Variants in GNE observed in about 807,000 individuals in gnomAD.
GNE encodes the protein bifunctional UDP-N-acetylglucosamine 2-epimerase/N-acetylmannosamine kinase.
A neutral mutation model predicts 61.8 loss-of-function variants in GNE; 41 were observed. The ratio of observed to expected loss-of-function variants is 0.66; its 90% confidence interval spans 0.52 to 0.86. GNE has a LOEUF of 0.86. Ranked by LOEUF, GNE falls within the 40% of genes least tolerant of loss-of-function variation. The pLI is 0.00. For synonymous variants in GNE, 264 were observed against 326.4 expected (o/e 0.81, Z 2.06); for missense variants, 608 against 909.1 (o/e 0.67, Z 4.26).
upstream of GNE, chr9:36,258,580 A>G (rs1276896909): frequency 3.3e-6 from 3 of 912,696 alleles, no homozygotes; most frequent in East Asian, 3.6e-4. Flanking sequence ...CCCGTCCCCC[A>G]CCTTCCCGGC....
Position 36,217,529 on chromosome 9 carries a change from C to T in GNE, c.2005G>A (p.Gly669Arg), listed in dbSNP as rs776384541. 22 of 1,614,074 alleles carry T rather than the reference C, an allele frequency of 1.4e-5. No homozygotes were observed. Among genetic ancestry groups the T allele is most frequent in the Admixed American group, 5.0e-5 (3 of 60,020 alleles). The change falls in exon 12 of 12, where the codon GGA (glycine) becomes AGA (arginine). Residue 669 changes from glycine to arginine, a missense_variant. Transcript: ENST00000642385. ...TGGATATAGTGACTGGCCAGGACTC[C>T]GGAGAGGATCACAAGGGAGGGATTC... ...TMNPSLVILS[G>R]VLASHYIHIV...
chr9:36,217,422 G>GGATTT lies in GNE; in HGVS notation c.2111_2112insAAATC (p.Ala705AsnfsTer48), dbSNP rs1563926085. The GGATTT allele has an allele frequency of 1.2e-6, 2 of 1,614,052 alleles. No individual in the cohort carries two copies. The highest frequency in any genetic ancestry group is 1.7e-6 in the Non-Finnish European group (2 of 1,179,926). On this transcript the variant is annotated frameshift_variant, in exon 12 of 12. Transcript: ENST00000642385. LOFTEE classifies it high-confidence loss of function. Reference sequence around the variant, plus strand: ...CCATGCTGGCAGCACCCAGCAGGGCGGGGTCAACCAAATCCGAAACCACCA... The same window carrying GGATTT: ...CCATGCTGGCAGCACCCAGCAGGGCGGATTTGGGTCAACCAAATCCGAAACCACCA...
At chr9:36,258,239 C>T (rs1325935882) in intron 1 of GNE, 82 bp downstream of exon 1, 1 of 819,848 alleles carries the variant, frequency 1.2e-6, no homozygotes, top group East Asian at 1.2e-4. Flanking sequence ...GAGGGGAGGC[C>T]TGGGGCAGGA....
chr9:36,223,625 C>A, intron 7 of GNE, 123 bp from the exon 8 acceptor site: 2 of 1,007,552 alleles, frequency 2.0e-6, no homozygotes, highest in Admixed American at 1.9e-5. Flanking sequence ...TCTTAGATGA[C>A]TGCTTGGGGA....
intron 3 of GNE, among the ~76,000 whole-genome samples, chr9:36,241,836 T>A (rs997131950): frequency 2.2e-4 from 34 of 152,174 alleles, no homozygotes; most frequent in Admixed American, 1.4e-3. Flanking sequence ...AGTGATAGCA[T>A]GAGAAGTTCC....
chr9:36,217,252 G>T lies in GNE; in HGVS notation c.*113C>A. On this transcript the variant is annotated 3_prime_UTR_variant, in exon 12 of 12. Coordinates refer to ENST00000642385, the MANE Select transcript of GNE (RefSeq NM_005476.7). The stretch of plus-strand genomic sequence containing the variant: ...AAAGTGAAAACATTTCTCTGCCAAA[G>T]TCACCTGCAGTTCAATACCAGATTT... 1 of 764,170 alleles carries T rather than the reference G, an allele frequency of 1.3e-6. No homozygotes were observed. Among genetic ancestry groups the T allele is most frequent in the Non-Finnish European group, 2.3e-6 (1 of 438,806 alleles). The allele number at this position is 764,170 out of a possible 1,614,324, so 47.3% of individuals were successfully genotyped here.
chr9:36,273,221 A>ATTTTTT (rs34635171), intron 1 of GNE, among the ~76,000 whole-genome samples: 1 of 146,344 alleles, frequency 6.8e-6, no homozygotes, highest in Non-Finnish European at 1.5e-5. Context: ...CACTCCATAA[A>ATTTTTT]TTTTTTTTTT....
intron 4 of GNE, among the ~76,000 whole-genome samples, chr9:36,234,405 C>T (rs573875811): frequency 3.4e-4 from 51 of 152,184 alleles, no homozygotes; most frequent in African/African-American, 1.2e-3. Flanking sequence ...CTAGTAAAAG[C>T]CTTTACCTTA....
chr9:36,249,462 T>C (rs1043329439), intron 1 of GNE, 65 bp from the exon 2 acceptor site: 1 of 1,037,864 alleles, frequency 9.6e-7, no homozygotes, highest in Admixed American at 2.4e-5. Flanking sequence ...AACTTTAAAC[T>C]TCTCTAAATC....
rs543495417 is a variant in GNE at position 36,237,146 on chromosome 9, A to G, written c.617-162T>C. Among the ~76,000 whole-genome samples the G allele has an allele frequency of 2.6e-5, 4 of 152,346 alleles. No individual in the cohort carries two copies. In the South Asian group the frequency reaches 6.2e-4, roughly 24 times the overall value. On this transcript the variant is annotated intron_variant, in intron 3 of 11. Coordinates refer to ENST00000642385, the MANE Select transcript of GNE (RefSeq NM_005476.7). ...AGGGCATCCAAATTAGAGTCAAATG[A>G]TAAGAATTTACAGCAACAAATCCAA...
In GNE at chr9:36,258,273, G is replaced by T. The variant is rs557583072; in HGVS notation, c.-43+48C>A. ...GAGGCCGGGGGAGGCGGCCCTGGGG[G>T]TGGGCAGGATGCTCTCCCGGAGTCC... On this transcript the variant is annotated intron_variant, in intron 1 of 11. Coordinates refer to ENST00000642385, the MANE Select transcript of GNE (RefSeq NM_005476.7). The T allele has an allele frequency of 5.8e-5, 56 of 961,756 alleles. No individual in the cohort carries two copies. The East Asian group carries it at 5.4e-3, about 93-fold the overall frequency. The allele number at this position is 961,756 out of a possible 1,614,324, so 59.6% of individuals were successfully genotyped here. A position where few individuals can be genotyped will look rare whatever the true frequency, so the allele number is the denominator to read the frequency against.
chr9:36,222,067 C>T (rs537241664), intron 9 of GNE, among the ~76,000 whole-genome samples: 13 of 152,274 alleles, frequency 8.5e-5, no homozygotes, highest in African/African-American at 2.9e-4. Flanking sequence ...GGCCTGCTTT[C>T]ATCTTAACTA....
rs1828349417 is a variant in GNE, at chr9:36,217,147, A to T, written c.*218T>A. On this transcript the variant is annotated 3_prime_UTR_variant, in exon 12 of 12. Transcript: ENST00000642385. ...AACTTACAGGGTTTGAGCTAAAATG[A>T]CCCCTAGTAAGAAGACATCAGAAAG... The T allele has an allele frequency of 6.9e-6, 4 of 576,154 alleles. No individual in the cohort carries two copies. Among genetic ancestry groups the T allele is most frequent in the Non-Finnish European group, 1.2e-5 (4 of 321,944 alleles). The allele number at this position is 576,154 out of a possible 1,614,324, so 35.7% of individuals were successfully genotyped here.
At chr9:36,239,663 G>C (rs866605791) in intron 3 of GNE, among the ~76,000 whole-genome samples, 96 of 151,906 alleles carry the variant, frequency 6.3e-4, no homozygotes, top group African/African-American at 2.3e-3. Context: ...AGTAGAGTCA[G>C]GGTTTCACCA....
Position 36,217,181 on chromosome 9 carries a change from C to T in GNE, c.*184G>A. On this transcript the variant is annotated 3_prime_UTR_variant, in exon 12 of 12. Coordinates refer to ENST00000642385, the MANE Select transcript of GNE (RefSeq NM_005476.7). ...AAGAAGACATCAGAAAGAATAGCAT[C>T]TACAAAAATAGGAGTGGGGAAAGGT... 1 of 635,926 alleles carries T rather than the reference C, an allele frequency of 1.6e-6. No individual in the cohort carries two copies. The highest frequency in any genetic ancestry group is 1.8e-5 in the South Asian group (1 of 55,414). The allele number at this position is 635,926 out of a possible 1,614,324, so 39.4% of individuals were successfully genotyped here.
chr9:36,257,102 G>T (rs1024155692), intron 1 of GNE, among the ~76,000 whole-genome samples: 1 of 152,272 alleles, frequency 6.6e-6, no homozygotes, highest in African/African-American at 2.4e-5. Flanking sequence ...TACTTGGGAG[G>T]CTGAGGCAGG....
chr9:36,275,465 G>A (rs533205779), intron 1 of GNE, among the ~76,000 whole-genome samples: 89 of 152,328 alleles, frequency 5.8e-4, no homozygotes, highest in African/African-American at 2.1e-3. Flanking sequence ...GAATTATTAA[G>A]TGGCAGAGTA....
intron 1 of GNE, among the ~76,000 whole-genome samples, chr9:36,266,210 C>T (rs1830781464): frequency 2.0e-5 from 3 of 152,164 alleles, no homozygotes; most frequent in Admixed American, 6.5e-5. Context: ...CGATTACAGG[C>T]ATAAGCCACC....
chr9:36,218,128 A>G lies in GNE; in HGVS notation c.1933+55T>C. 1 of 1,172,900 alleles carries G rather than the reference A, an allele frequency of 8.5e-7. No homozygotes were observed. Among genetic ancestry groups the G allele is most frequent in the South Asian group, 1.2e-5 (1 of 82,378 alleles). 72.7% of individuals were successfully genotyped at this position (1,172,900 alleles called of 1,614,324 possible). A position where few individuals can be genotyped will look rare whatever the true frequency, so the allele number is the denominator to read the frequency against. The stretch of plus-strand genomic sequence containing the variant: ...GTCTCTTCTGGGGCCGGGCTGGGCC[A>G]TATGATATCTGAGGCCACCCCCTGC... On this transcript the variant is annotated intron_variant, in intron 11 of 11. Coordinates refer to ENST00000642385, the MANE Select transcript of GNE (RefSeq NM_005476.7). The surrounding 1 kb of genome is among the most constrained non-coding windows in gnomAD (Gnocchi z 4.1).
Sources: gnomAD v4.1 joint callset for allele counts (sites outside exome capture counted in the v4.1 genomes callset) on GRCh38, gnomAD v4.1.1 for gene constraint, Gnocchi (gnomAD v3.1) non-coding constraint, MANE v1.5 for transcripts, NCBI Gene and HGNC (gene_info 2026-07-23, HGNC 2026-07-21) for gene names.